The following TRIM33 variants were observed in gnomAD, a reference collection of about 807,000 sequenced individuals.
TRIM33 encodes E3 ubiquitin-protein ligase TRIM33.
A neutral mutation model predicts 125.4 loss-of-function variants in TRIM33; 20 were observed. The ratio of observed to expected loss-of-function variants is 0.16; its 90% CI spans 0.11 to 0.23. TRIM33 has a LOEUF of 0.23. Ranked by LOEUF, TRIM33 falls within the 10% of genes least tolerant of loss-of-function variation. The pLI, the probability that TRIM33 is intolerant of heterozygous loss-of-function variation, is 1.00. For missense variants in TRIM33, 920 were observed against 1,411.4 expected, an observed-to-expected ratio of 0.65 and a Z score of 5.58; for synonymous variants, 564 against 513.9, an observed-to-expected ratio of 1.10 and a Z score of -1.32.
At chr1:114,486,513 C>A (rs1459575262) in intron 1 of TRIM33, among the ~76,000 whole-genome samples, 1 of 144,484 alleles carries the variant, frequency 6.9e-6, no homozygotes, top group African/African-American at 2.6e-5. Context: ...CACCACTGCA[C>A]TCCAGCCTGG....
At chr1:114,405,294 C>T (rs1392672899) in intron 15 of TRIM33, 116 bp downstream of exon 15, 2 of 738,860 alleles carry the variant, frequency 2.7e-6, no homozygotes, top group African/African-American at 1.8e-5. Flanking sequence ...TAACAGGCTC[C>T]CTGTTTTATA....
In TRIM33 at chr1:114,443,305, A is replaced by G. The variant is rs140069949; in HGVS notation, c.924-9572T>C. On this transcript the variant is annotated intron_variant, in intron 4 of 19. Coordinates refer to ENST00000358465, the MANE Select transcript of TRIM33 (RefSeq NM_015906.4). Reference sequence around the variant, plus strand: ...AGGCTGAGGTGGGAGAATCGCTTGAACTCAAGAGGCAGAAGTTGCAGTGAG... The same window carrying G: ...AGGCTGAGGTGGGAGAATCGCTTGAGCTCAAGAGGCAGAAGTTGCAGTGAG... Among the ~76,000 whole-genome samples the G allele has an allele frequency of 2.4e-3, 366 of 152,004 alleles. 4 individuals carry two copies. The highest frequency in any genetic ancestry group is 8.3e-3 in the African/African-American group (342 of 41,438).
intron 1 of TRIM33, among the ~76,000 whole-genome samples, chr1:114,502,214 T>C (rs1205563357): frequency 6.6e-6 from 1 of 152,220 alleles, no homozygotes; most frequent in Non-Finnish European, 1.5e-5. Context: ...GAACTATAAA[T>C]GTATAAATCT....
chr1:114,468,565 A>G (rs1650445290), intron 1 of TRIM33: 1 of 398,802 alleles, frequency 2.5e-6, no homozygotes, highest in Non-Finnish European at 4.9e-6. Context: ...AGAAAAGAAA[A>G]AAACAAAAAA....
chr1:114,429,415 A>C (rs1647800018), intron 6 of TRIM33, among the ~76,000 whole-genome samples: 1 of 150,950 alleles, frequency 6.6e-6, no homozygotes, highest in Non-Finnish European at 1.5e-5. Flanking sequence ...CTGGTCTCGA[A>C]CTCCTGACCT....
intron 4 of TRIM33, among the ~76,000 whole-genome samples, chr1:114,452,787 A>G (rs2101317940): frequency 6.6e-6 from 1 of 151,864 alleles, no homozygotes; most frequent in East Asian, 2.0e-4. Flanking sequence ...CTGTAGTCAT[A>G]ACAATTTGGA....
chr1:114,432,208 G>A (rs1647999430), intron 5 of TRIM33, among the ~76,000 whole-genome samples: 1 of 152,050 alleles, frequency 6.6e-6, no homozygotes. Context: ...TACAGATTCT[G>A]GAACACGTGT....
intron 4 of TRIM33, among the ~76,000 whole-genome samples, chr1:114,447,460 G>C (rs1490107036): frequency 1.3e-5 from 2 of 152,180 alleles, no homozygotes; most frequent in Non-Finnish European, 2.9e-5. Flanking sequence ...TTTGGAGAAA[G>C]TGATCAGTAG....
chr1:114,397,917 T>A, intron 19 of TRIM33, 23 bp downstream of exon 19: 1 of 1,613,934 alleles, frequency 6.2e-7, no homozygotes. Flanking sequence ...CTTCACCAAG[T>A]TTGCATGGTC....
chr1:114,494,467 G>A (rs1226239960), intron 1 of TRIM33, among the ~76,000 whole-genome samples: 3 of 152,108 alleles, frequency 2.0e-5, no homozygotes, highest in Non-Finnish European at 4.4e-5. Flanking sequence ...TTCAACCAGT[G>A]GGAAAGTACT....
intron 11 of TRIM33, chr1:114,420,436 T>C (rs751653737): frequency 3.7e-5 from 49 of 1,334,638 alleles, no homozygotes; most frequent in Non-Finnish European, 4.6e-5. Context: ...GAGTGCATCA[T>C]CGGAACAACG....
At chr1:114,485,104 C>T (rs1651595139) in intron 1 of TRIM33, among the ~76,000 whole-genome samples, 1 of 151,786 alleles carries the variant, frequency 6.6e-6, no homozygotes, top group African/African-American at 2.4e-5. Flanking sequence ...TCCAAACTCC[C>T]AAGAGCAGAG....
chr1:114,510,986 C>T lies in TRIM33; in HGVS notation c.91G>A (p.Ala31Thr). The T allele has an allele frequency of 7.5e-7, 1 of 1,335,358 alleles. No individual in the cohort carries two copies. The highest frequency in any genetic ancestry group is 9.6e-7 in the Non-Finnish European group (1 of 1,044,950). 82.7% of individuals were successfully genotyped at this position (1,335,358 alleles called of 1,614,324 possible). A position where few individuals can be genotyped will look rare whatever the true frequency, so the allele number is the denominator to read the frequency against. ...PVTAGAAGPA[A>T]QEAEPPLTAV... ...GTGAGAGGCGGCTCCGCCTCCTGCG[C>T]GGCGGGCCCGGCGGCCCCGGCAGTT... Residue 31 changes from alanine to threonine, a missense_variant, in exon 1 of 20, where the codon GCG becomes ACG. By Grantham distance (58) the Ala-to-Thr change is moderately conservative. Around this residue, in one of 8 missense-constraint regions of TRIM33, gnomAD observed 233 missense variants for 189.6 expected, o/e 1.23. Transcript: ENST00000358465.
chr1:114,462,146 A>G (rs1339173757), intron 4 of TRIM33, among the ~76,000 whole-genome samples: 1 of 152,208 alleles, frequency 6.6e-6, no homozygotes, highest in East Asian at 1.9e-4. Context: ...TAAAACCGTC[A>G]TAATACTAGT....
chr1:114,452,385 G>A (rs750389243), intron 4 of TRIM33, among the ~76,000 whole-genome samples: 11 of 151,830 alleles, frequency 7.2e-5, no homozygotes, highest in Non-Finnish European at 1.6e-4. Context: ...GCTTGAAACC[G>A]GGAGGCGGAG....
chr1:114,429,013 AT>A (rs1371235072), intron 6 of TRIM33, among the ~76,000 whole-genome samples: 2 of 152,154 alleles, frequency 1.3e-5, no homozygotes, highest in African/African-American at 4.8e-5. Flanking sequence ...TACAAATACT[AT>A]TTTAGACGTA....
chr1:114,475,644 T>A (rs574498632), intron 1 of TRIM33, among the ~76,000 whole-genome samples: 67 of 152,222 alleles, frequency 4.4e-4, no homozygotes, highest in African/African-American at 1.6e-3. Context: ...ATGGCGCCAC[T>A]GCACTCCAGC....
chr1:114,464,314 C>T lies in TRIM33; in HGVS notation c.601G>A (p.Asp201Asn). 2 of 1,611,978 alleles carry T rather than the reference C, an allele frequency of 1.2e-6. No individual in the cohort carries two copies. Among genetic ancestry groups the T allele is most frequent in the Non-Finnish European group, 1.7e-6 (2 of 1,179,200 alleles). The change falls in exon 2 of 20, where the codon GAC becomes AAC. Residue 201 changes from aspartate (D) to asparagine (N), a missense_variant. This residue lies in a region of TRIM33 where 75 missense variants were observed against 123.9 expected (regional missense o/e 0.61). Transcript: ENST00000358465. ...GAACTGCTAGGAGCTTCAGATGTGT[C>T]TTTCACAAAATAATTATCCACAAGG... Reference protein sequence around the residue: ...IDLVDNYFVKDTSEAPSSSDE... With the variant: ...IDLVDNYFVKNTSEAPSSSDE...
chr1:114,399,642 C>A, intron 17 of TRIM33, 33 bp from the exon 18 acceptor site: 2 of 1,526,806 alleles, frequency 1.3e-6, no homozygotes, highest in South Asian at 1.2e-5. Flanking sequence ...AATAAGAATT[C>A]TCCAAAAATG....
Sources: allele counts gnomAD v4.1 joint callset (sites outside exome capture counted in the v4.1 genomes callset), GRCh38; gene constraint gnomAD v4.1.1; regional missense constraint gnomAD v4.1.1; transcripts MANE v1.5; gene names NCBI Gene and HGNC (gene_info 2026-07-23, HGNC 2026-07-21).